The following SLC25A48 variants were observed in gnomAD, a reference collection of about 807,000 sequenced individuals.
SLC25A48 encodes solute carrier family 25 member 48.
Under a neutral mutation model 32.2 loss-of-function variants are expected in SLC25A48, and 29 were observed. The ratio of observed to expected loss-of-function variants is 0.90; its 90% CI spans 0.67 to 1.23. The LOEUF (loss-of-function observed/expected upper bound fraction) is 1.23. SLC25A48 is among the 50% of genes most tolerant of loss of function. The pLI is 0.00. For missense variants in SLC25A48, 399 were observed against 422.7 expected, an observed-to-expected ratio of 0.94 and a Z score of 0.49; for synonymous variants, 164 against 172.3, an observed-to-expected ratio of 0.95 and a Z score of 0.38.
intron 3 of SLC25A48, among the ~76,000 whole-genome samples, chr5:135,660,913 A>G (rs906394526): frequency 6.6e-6 from 1 of 152,224 alleles, no homozygotes; most frequent in African/African-American, 2.4e-5. Flanking sequence ...GTAAGCACTC[A>G]GTAATTGTTG....
intron 3 of SLC25A48, among the ~76,000 whole-genome samples, chr5:135,777,726 A>T (rs1756602871): frequency 6.7e-6 from 1 of 149,718 alleles, no homozygotes; most frequent in African/African-American, 2.5e-5. Flanking sequence ...AAATAGAATT[A>T]TATTACTCCC....
intron 3 of SLC25A48, among the ~76,000 whole-genome samples, chr5:135,776,021 A>G (rs1384097707): frequency 6.6e-6 from 1 of 151,732 alleles, no homozygotes; most frequent in Non-Finnish European, 1.5e-5. Context: ...ACATGGTTCC[A>G]TATATTGTCC....
chr5:135,667,706 A>G (rs527526834), intron 3 of SLC25A48, among the ~76,000 whole-genome samples: 2 of 152,338 alleles, frequency 1.3e-5, no homozygotes, highest in South Asian at 4.1e-4. Flanking sequence ...GGTTGACAGC[A>G]TTTAGCACAC....
intron 1 of SLC25A48, among the ~76,000 whole-genome samples, chr5:135,604,933 T>C (rs1292584608): frequency 2.6e-5 from 4 of 152,180 alleles, no homozygotes; most frequent in Admixed American, 2.0e-4. Flanking sequence ...ACTCATCTCA[T>C]AGGCCTGTGG....
chr5:135,798,931 C>T (rs1334618425), intron 3 of SLC25A48, among the ~76,000 whole-genome samples: 2 of 151,522 alleles, frequency 1.3e-5, no homozygotes, highest in Non-Finnish European at 2.9e-5. Flanking sequence ...GAGTGTACAC[C>T]TGCAATAAGA....
chr5:135,871,712 A>G lies in SLC25A48; in HGVS notation c.673A>G (p.Met225Val). 2 of 1,613,426 alleles carry G rather than the reference A, an allele frequency of 1.2e-6. No homozygotes were observed. Among genetic ancestry groups the G allele is most frequent in the Non-Finnish European group, 1.7e-6 (2 of 1,179,628 alleles). ...CTGTGCCGTGTGGCTGGCGGGCGGC[A>G]TGGCAGGTAAGGGCAGCAGCAGCTG... ...SPCAVWLAGG[M>V]AGAISWGTAT... The change falls in exon 5 of 8, where the codon ATG (methionine) becomes GTG (valine). Residue 225 changes from methionine to valine, a missense_variant. Transcript: ENST00000681962.
At chr5:135,773,113 T>C (rs1283008969) in intron 3 of SLC25A48, among the ~76,000 whole-genome samples, 1 of 150,476 alleles carries the variant, frequency 6.6e-6, no homozygotes, top group Non-Finnish European at 1.5e-5. Context: ...GGGTGTACAA[T>C]CCCCTGTGAT....
intron 3 of SLC25A48, among the ~76,000 whole-genome samples, chr5:135,788,285 C>T (rs1203530290): frequency 2.0e-5 from 3 of 149,766 alleles, no homozygotes; most frequent in Non-Finnish European, 4.5e-5. Context: ...GGGGGATGTA[C>T]AGCCCCTTGC....
In SLC25A48 at chr5:135,842,449, A is replaced by G. The variant is rs1168702512; in HGVS notation, c.80A>G (p.Asp27Gly). 3.7e-6 allele frequency: 6 copies of G among 1,613,790 alleles called. No individual in the cohort carries two copies. Among genetic ancestry groups the G allele is most frequent in the Non-Finnish European group, 5.1e-6 (6 of 1,179,794 alleles). ...AGTGTCATCGTTGGCCACCCTCTGG[A>G]CACAGTCAAGGTACAGTAGCCATGT... The part of the protein sequence containing the change: ...AASVIVGHPL[D>G]TVKTRLQAGV... The change falls in exon 2 of 8, where the codon GAC (aspartate) becomes GGC (glycine). Residue 27 changes from aspartate to glycine, a missense_variant. Coordinates refer to ENST00000681962, the MANE Select transcript of SLC25A48 (RefSeq NM_001349336.2).
At chr5:135,588,422 G>T (rs1751422882) in intron 1 of SLC25A48, among the ~76,000 whole-genome samples, 1 of 152,250 alleles carries the variant, frequency 6.6e-6, no homozygotes, top group Non-Finnish European at 1.5e-5. Context: ...TAAACACCAA[G>T]TTGAGCCCTT....
chr5:135,648,530 G>T (rs1442078416), intron 3 of SLC25A48: 1 of 152,226 alleles, frequency 6.6e-6, no homozygotes, highest in Non-Finnish European at 1.5e-5. Flanking sequence ...ATCACAGGCT[G>T]TGGAAGCAGG....
chr5:135,775,040 T>G (rs1756513802), intron 3 of SLC25A48, among the ~76,000 whole-genome samples: 1 of 151,700 alleles, frequency 6.6e-6, no homozygotes, highest in African/African-American at 2.4e-5. Context: ...TCCCAAAGGA[T>G]GTACACACAC....
chr5:135,588,558 G>A (rs147481386), intron 1 of SLC25A48, among the ~76,000 whole-genome samples: 5 of 152,308 alleles, frequency 3.3e-5, no homozygotes, highest in South Asian at 2.1e-4. Context: ...AATGAGTTAC[G>A]GATGCGAGGA....
chr5:135,863,846 TG>T (rs1456381232), intron 4 of SLC25A48, among the ~76,000 whole-genome samples: 1 of 151,902 alleles, frequency 6.6e-6, no homozygotes, highest in Non-Finnish European at 1.5e-5. Flanking sequence ...ATGCTAAAGT[TG>T]GGGTGATGAT....
At chr5:135,801,414 G>A (rs1757323754) in intron 3 of SLC25A48, among the ~76,000 whole-genome samples, 1 of 151,092 alleles carries the variant, frequency 6.6e-6, no homozygotes, top group Non-Finnish European at 1.5e-5. Context: ...TTCATAGGAG[G>A]TGTACGTCTG....
At chr5:135,757,950 A>T (rs1236102653) in intron 3 of SLC25A48, among the ~76,000 whole-genome samples, 1 of 150,558 alleles carries the variant, frequency 6.6e-6, no homozygotes, top group Non-Finnish European at 1.5e-5. Flanking sequence ...CATGATATTT[A>T]TACTGTCTAG....
At chr5:135,665,040 A>G (rs1409713136) in intron 3 of SLC25A48, among the ~76,000 whole-genome samples, 1 of 152,222 alleles carries the variant, frequency 6.6e-6, no homozygotes, top group Non-Finnish European at 1.5e-5. Context: ...CATTCCCACC[A>G]GCAGTGTATA....
At chr5:135,874,572 A>G (rs1761907314) in intron 6 of SLC25A48, 2 of 603,914 alleles carry the variant, frequency 3.3e-6, no homozygotes, top group Non-Finnish European at 5.9e-6. Flanking sequence ...TCCTGTCCTC[A>G]GTCAGCTCAT....
Position 135,852,763 on chromosome 5 carries a change from A to G in SLC25A48, c.363A>G (p.Gly121=), listed in dbSNP as rs1759997329. The G allele has an allele frequency of 6.2e-7, 1 of 1,613,836 alleles. No homozygotes were observed. Among genetic ancestry groups the G allele is most frequent in the Admixed American group, 1.7e-5 (1 of 59,986 alleles). The stretch of plus-strand genomic sequence containing the variant: ...CCGGCGTGGTCTCTGTCGGGCTGGG[A>G]GGGCCCGTGGACCTCATCAAGATCC... The part of the protein sequence containing the change: ...MVAGVVSVGL[G]GPVDLIKIRL... The change falls in exon 4 of 8, where the codon GGA becomes GGG. Residue 121 remains glycine, a synonymous_variant. Transcript: ENST00000681962.
Sources: gnomAD v4.1 joint callset for allele counts (sites outside exome capture counted in the v4.1 genomes callset) on GRCh38, gnomAD v4.1.1 for gene constraint, MANE v1.5 for transcripts, NCBI Gene and HGNC (gene_info 2026-07-23, HGNC 2026-07-21) for gene names.